The following DST variants were observed in gnomAD, a reference collection of about 807,000 sequenced individuals.
DST encodes the protein bullous pemphigoid antigen.
In DST, 253 loss-of-function variants were observed where a neutral mutation model predicts 875.2. That is an observed-to-expected ratio of 0.29 (90% CI 0.26 to 0.32). DST has a LOEUF of 0.32. DST is among the 10% of genes least tolerant of loss of function. DST has a pLI of 1.00. For synonymous variants in DST, 3,124 were observed against 3,197.1 expected (o/e 0.98, Z 0.77); for missense variants, 8,287 against 9,111.6 (o/e 0.91, Z 3.68).
intron 3 of DST, 131 bp from the exon 4 acceptor site, chr6:56,851,735 C>G: frequency 6.4e-7 from 1 of 1,552,152 alleles, no homozygotes; most frequent in East Asian, 2.4e-5. Context: ...CCTGCACCAT[C>G]CTCGGAGCTG....
intron 78 of DST, among the ~76,000 whole-genome samples, chr6:56,503,417 T>C (rs748751494): frequency 6.6e-6 from 1 of 151,830 alleles, no homozygotes; most frequent in Non-Finnish European, 1.5e-5. Context: ...ACCCCTACAA[T>C]GTACCCACGA....
intron 64 of DST, among the ~76,000 whole-genome samples, chr6:56,532,067 C>G (rs564405282): frequency 6.6e-6 from 1 of 152,222 alleles, no homozygotes; most frequent in Admixed American, 6.5e-5. Flanking sequence ...TAACTCTGTG[C>G]CTGATGCATG....
chr6:56,570,282 T>G (rs924105209), intron 53 of DST, among the ~76,000 whole-genome samples: 3 of 152,184 alleles, frequency 2.0e-5, no homozygotes, highest in Non-Finnish European at 1.5e-5. Context: ...TTACATTTAT[T>G]GTGTGCTTTA....
chr6:56,731,597 T>C (rs190582177), intron 5 of DST, among the ~76,000 whole-genome samples: 5 of 152,352 alleles, frequency 3.3e-5, no homozygotes, highest in Admixed American at 2.6e-4. Flanking sequence ...AAACCATCAA[T>C]AAGAGATTGA....
At chr6:56,736,714 T>G (rs2099526089) in intron 4 of DST, among the ~76,000 whole-genome samples, 1 of 152,250 alleles carries the variant, frequency 6.6e-6, no homozygotes, top group Non-Finnish European at 1.5e-5. Context: ...TTAAAAGTAT[T>G]TATGTTCTCT....
In DST at chr6:56,632,983, G is replaced by A. The variant is rs755458994; in HGVS notation, c.3676C>T (p.Arg1226Cys). The stretch of plus-strand genomic sequence containing the variant: ...CTATCTTCCAGAAAATCTTCAAAAC[G>A]AGATTGTAGATTACTTAGAACTTGC... ...HQQVLSNLQSRFEDFLEDSQE... is the reference protein window; with the variant it reads ...HQQVLSNLQSCFEDFLEDSQE... The change falls in exon 28 of 104, where the codon CGT (arginine) becomes TGT (cysteine). Residue 1226 changes from arginine to cysteine, a missense_variant. By Grantham distance (180) the Arg-to-Cys change is radical (BLOSUM62 -3). Transcript: ENST00000680361. The A allele has an allele frequency of 1.9e-6, 3 of 1,613,862 alleles. No individual in the cohort carries two copies. Among genetic ancestry groups the A allele is most frequent in the South Asian group, 1.1e-5 (1 of 91,074 alleles).
intron 61 of DST, among the ~76,000 whole-genome samples, chr6:56,544,475 T>C (rs566280796): frequency 6.6e-6 from 1 of 152,354 alleles, no homozygotes; most frequent in East Asian, 1.9e-4. Context: ...GGGTAGTACA[T>C]TTTTAAAACT....
intron 80 of DST, 43 bp from the exon 81 acceptor site, chr6:56,498,096 T>C (rs372055414): frequency 6.6e-5 from 102 of 1,537,724 alleles, no homozygotes; most frequent in Non-Finnish European, 8.8e-5. Context: ...GTTTGTAACA[T>C]GTTAATATCA....
rs888918024 is a variant in DST, at chr6:56,771,357, T to C, written c.626-36068A>G. ...TCACACTAGTATGTGACTAAAATTG[T>C]CTGCAAAGAGCAGTTGTCCAACTGA... On this transcript the variant is annotated intron_variant, in intron 4 of 103. Coordinates refer to ENST00000680361, the MANE Select transcript of DST (RefSeq NM_001374736.1). Among the ~76,000 whole-genome samples the C allele has an allele frequency of 3.9e-5, 6 of 152,310 alleles. No homozygotes were observed. The South Asian group carries it at 8.3e-4, about 21-fold the overall frequency.
At chr6:56,817,667 C>A (rs920777614) in intron 4 of DST, among the ~76,000 whole-genome samples, 1 of 152,056 alleles carries the variant, frequency 6.6e-6, no homozygotes, top group Non-Finnish European at 1.5e-5. Context: ...TAAAGGAAAT[C>A]ATGATGATTT....
In DST at chr6:56,803,391, T is replaced by C. The variant is rs548577929; in HGVS notation, c.625+48006A>G. On this transcript the variant is annotated intron_variant, in intron 4 of 103. Coordinates refer to ENST00000680361, the MANE Select transcript of DST (RefSeq NM_001374736.1). ...TTAATATCTATCATAGTGACACTAT[T>C]GATTAAATACACCTTCAGTTTCTTA... Among the ~76,000 whole-genome samples the C allele has an allele frequency of 5.3e-5, 8 of 152,294 alleles. No homozygotes were observed. In the South Asian group the frequency reaches 1.7e-3, roughly 32 times the overall value.
intron 4 of DST, among the ~76,000 whole-genome samples, chr6:56,844,794 C>T (rs1025275389): frequency 2.7e-5 from 4 of 150,806 alleles, no homozygotes; most frequent in Admixed American, 2.7e-4. Context: ...ACTGCTTGAA[C>T]CCGGGAGGTG....
At chr6:56,503,966 G>C in intron 78 of DST, 31 bp downstream of exon 78, 2 of 1,474,270 alleles carry the variant, frequency 1.4e-6, no homozygotes, top group African/African-American at 2.8e-5. Flanking sequence ...AACTGCAAGG[G>C]AGTCTTCGAT....
At chr6:56,590,961 G>A (rs896566836) in intron 49 of DST, among the ~76,000 whole-genome samples, 2 of 152,146 alleles carry the variant, frequency 1.3e-5, no homozygotes, top group African/African-American at 4.8e-5. Context: ...CCTGTTTCCC[G>A]TGCTAACAGC....
intron 2 of DST, among the ~76,000 whole-genome samples, chr6:56,939,184 C>T (rs375118552): frequency 6.6e-6 from 1 of 152,276 alleles, no homozygotes; most frequent in African/African-American, 2.4e-5. Context: ...GGCAGAAGGA[C>T]TAATTAATTG....
intron 10 of DST, among the ~76,000 whole-genome samples, chr6:56,656,523 A>C (rs2099009513): frequency 6.6e-6 from 1 of 152,224 alleles, no homozygotes; most frequent in Non-Finnish European, 1.5e-5. Context: ...TATCTCACTT[A>C]ATCATCTCAA....
chr6:56,889,921 T>C (rs925935954), intron 3 of DST, among the ~76,000 whole-genome samples: 2 of 152,238 alleles, frequency 1.3e-5, no homozygotes, highest in South Asian at 2.1e-4. Context: ...CCTATGGTTT[T>C]CAATACCATT....
chr6:56,939,499 G>A (rs1815142767), intron 2 of DST, among the ~76,000 whole-genome samples: 1 of 152,022 alleles, frequency 6.6e-6, no homozygotes, highest in African/African-American at 2.4e-5. Context: ...ATACGTGAAT[G>A]AACAGATGGG....
chr6:56,627,430 T>C (rs2098744783), intron 33 of DST, 143 bp from the exon 34 acceptor site: 7 of 711,680 alleles, frequency 9.8e-6, no homozygotes, highest in South Asian at 4.6e-5. Flanking sequence ...ACTTGCCTTA[T>C]GGGAAAATTA....
Sources: allele counts gnomAD v4.1 joint callset (sites outside exome capture counted in the v4.1 genomes callset), GRCh38; gene constraint gnomAD v4.1.1; transcripts MANE v1.5; gene names NCBI Gene and HGNC (gene_info 2026-07-23, HGNC 2026-07-21).